Variants in SPAG17 observed in about 807,000 individuals in gnomAD.
SPAG17 encodes sperm associated antigen 17.
Under a neutral mutation model 273.6 loss-of-function variants are expected in SPAG17, and 169 were observed. The observed-to-expected ratio is 0.62, with a 90% confidence interval of 0.55 to 0.70. The LOEUF is 0.70. Among genes scored for constraint, SPAG17 ranks in the 30% least tolerant of loss-of-function variants. The pLI, the probability that SPAG17 is intolerant of heterozygous loss-of-function variation, is 0.00. For synonymous variants in SPAG17, 825 were observed against 873.2 expected (o/e 0.94, Z 0.97); for missense variants, 2,557 against 2,627.8 (o/e 0.97, Z 0.59).
intron 1 of SPAG17, among the ~76,000 whole-genome samples, chr1:118,164,698 A>G (rs1439666153): frequency 1.3e-5 from 2 of 152,206 alleles, no homozygotes; most frequent in Non-Finnish European, 2.9e-5. Context: ...CTTCATGTAG[A>G]GCCCAAACTC....
At chr1:117,990,327 G>A (rs1050196235) in intron 38 of SPAG17, among the ~76,000 whole-genome samples, 3 of 152,086 alleles carry the variant, frequency 2.0e-5, no homozygotes, top group Non-Finnish European at 2.9e-5. Context: ...AAACAAAAAC[G>A]CACCAAATTC....
At chr1:118,064,261 A>G (rs934741508) in intron 18 of SPAG17, among the ~76,000 whole-genome samples, 2 of 152,156 alleles carry the variant, frequency 1.3e-5, no homozygotes, top group Non-Finnish European at 2.9e-5. Flanking sequence ...ATTATAAATC[A>G]TGCTGCCATA....
At chr1:118,146,246 C>T (rs1164932972) in intron 3 of SPAG17, among the ~76,000 whole-genome samples, 1 of 152,156 alleles carries the variant, frequency 6.6e-6, no homozygotes. Context: ...CTATGGTACA[C>T]GTAGAACTCT....
At chr1:118,114,332 CA>C (rs1248666973) in intron 4 of SPAG17, among the ~76,000 whole-genome samples, 8 of 152,092 alleles carry the variant, frequency 5.3e-5, no homozygotes, top group Admixed American at 3.3e-4. Context: ...CTCTAAAAAA[CA>C]TAAAGCCCTA....
At chr1:117,969,680 G>A (rs1042045023) in intron 46 of SPAG17, among the ~76,000 whole-genome samples, 3 of 152,272 alleles carry the variant, frequency 2.0e-5, no homozygotes, top group Non-Finnish European at 2.9e-5. Flanking sequence ...CCAGATTTAC[G>A]TAAAATATGA....
chr1:118,008,235 T>C, intron 30 of SPAG17, 37 bp from the exon 31 acceptor site: 2 of 1,608,238 alleles, frequency 1.2e-6, no homozygotes, highest in Non-Finnish European at 1.7e-6. Flanking sequence ...TCTGATAGGA[T>C]GTAGACATTG....
At chr1:118,118,765 T>C (rs1003892624) in intron 3 of SPAG17, among the ~76,000 whole-genome samples, 2 of 152,184 alleles carry the variant, frequency 1.3e-5, no homozygotes, top group Admixed American at 6.5e-5. Flanking sequence ...GCAGAAGCCA[T>C]GTTCATGTTG....
intron 48 of SPAG17, chr1:117,954,496 A>T (rs937800534): frequency 2.2e-6 from 3 of 1,349,024 alleles, no homozygotes; most frequent in Non-Finnish European, 2.1e-6. Flanking sequence ...TCAAAATTAT[A>T]AAATACAGTT....
intron 35 of SPAG17, among the ~76,000 whole-genome samples, chr1:117,993,251 T>G (rs1245922694): frequency 6.6e-6 from 1 of 152,188 alleles, no homozygotes; most frequent in African/African-American, 2.4e-5. Context: ...GTGCTGGATG[T>G]GCTTCATTTC....
At chr1:118,089,710 T>C (rs962974792) in intron 10 of SPAG17, among the ~76,000 whole-genome samples, 2 of 152,348 alleles carry the variant, frequency 1.3e-5, no homozygotes, top group East Asian at 3.9e-4. Flanking sequence ...AAGTCATTTC[T>C]GCTACTTATT....
chr1:118,085,142 G>C (rs1378211415), intron 13 of SPAG17, among the ~76,000 whole-genome samples: 8 of 152,084 alleles, frequency 5.3e-5, no homozygotes, highest in Non-Finnish European at 7.4e-5. Context: ...GCTCACATTA[G>C]TTTTACCCTG....
chr1:117,997,610 G>A (rs867403792), intron 32 of SPAG17, among the ~76,000 whole-genome samples: 2 of 150,506 alleles, frequency 1.3e-5, no homozygotes, highest in Non-Finnish European at 3.0e-5. Context: ...AATGCCTAGA[G>A]CAATGGTTGG....
intron 48 of SPAG17, chr1:117,960,250 G>T (rs955182995): frequency 6.6e-6 from 1 of 151,810 alleles, no homozygotes. Context: ...TCAAAAATCT[G>T]CATATAACTT....
intron 26 of SPAG17, among the ~76,000 whole-genome samples, chr1:118,025,980 A>G (rs1308288337): frequency 6.6e-6 from 1 of 152,154 alleles, no homozygotes; most frequent in African/African-American, 2.4e-5. Flanking sequence ...GGACAAATTG[A>G]GGCAAAATTA....
intron 4 of SPAG17, among the ~76,000 whole-genome samples, chr1:118,109,054 A>G (rs902089947): frequency 6.6e-6 from 1 of 152,188 alleles, no homozygotes; most frequent in African/African-American, 2.4e-5. Context: ...AATATAATTA[A>G]TAAGTATTCA....
intron 9 of SPAG17, 104 bp from the exon 10 acceptor site, chr1:118,091,822 G>C: frequency 7.4e-7 from 1 of 1,343,054 alleles, no homozygotes; most frequent in Admixed American, 1.7e-5. Flanking sequence ...ACTAATAAAT[G>C]CAGGAGCTGT....
At chr1:117,957,044 T>C in intron 48 of SPAG17, 1 of 1,536,872 alleles carries the variant, frequency 6.5e-7, no homozygotes, top group Non-Finnish European at 8.7e-7. Flanking sequence ...TGTGGCATTT[T>C]TATATTTATT....
At chr1:118,127,077 G>T (rs1657778401) in intron 3 of SPAG17, among the ~76,000 whole-genome samples, 1 of 152,098 alleles carries the variant, frequency 6.6e-6, no homozygotes, top group Non-Finnish European at 1.5e-5. Flanking sequence ...TGCTATTTTG[G>T]TGACAGTAGC....
At chr1:118,151,972 A>T (rs1344115795) in intron 1 of SPAG17, among the ~76,000 whole-genome samples, 2 of 152,238 alleles carry the variant, frequency 1.3e-5, no homozygotes, top group Non-Finnish European at 2.9e-5. Context: ...ATTAGTTACT[A>T]AAGAATTACA....
Sources: gnomAD v4.1 joint callset for allele counts (sites outside exome capture counted in the v4.1 genomes callset) on GRCh38, gnomAD v4.1.1 for gene constraint, MANE v1.5 for transcripts, NCBI Gene and HGNC (gene_info 2026-07-23, HGNC 2026-07-21) for gene names.